DNAH8: variants seen among roughly 807,000 people sequenced by gnomAD.
The protein encoded by DNAH8 is dynein axonemal heavy chain 8.
Under a neutral mutation model 562.1 loss-of-function variants are expected in DNAH8, and 382 were observed. The observed-to-expected ratio is 0.68, with a 90% CI of 0.63 to 0.74. DNAH8 has a LOEUF of 0.74. DNAH8 is among the 30% of genes least tolerant of loss of function. The probability of loss-of-function intolerance (pLI) is 0.00; values close to 1 mark genes in which losing one functional copy is unlikely to be tolerated. For synonymous variants in DNAH8, 1,881 were observed against 1,919.4 expected, an observed-to-expected ratio of 0.98 and a Z score of 0.52; for missense variants, 5,203 against 5,620.4, an observed-to-expected ratio of 0.93 and a Z score of 2.37.
At chr6:38,862,094 T>A (rs970054716) in intron 43 of DNAH8, among the ~76,000 whole-genome samples, 186 bp from the exon 44 acceptor site, 1 of 152,128 alleles carries the variant, frequency 6.6e-6, no homozygotes, top group Non-Finnish European at 1.5e-5. Context: ...TCAAGAAATC[T>A]TTGGGCTCAC....
In DNAH8 at chr6:38,837,605, A is replaced by G. The variant is rs1355587989; in HGVS notation, c.4366-337A>G. ...CCTGTAGGATAGAGATGGCCAGTCT[A>G]AATTACTGAAAAATCCTGAATTGTA... On this transcript the variant is annotated intron_variant, in intron 32 of 92. Transcript: ENST00000327475. Among the ~76,000 whole-genome samples the G allele has an allele frequency of 3.3e-5, 5 of 152,360 alleles. No individual in the cohort carries two copies. The East Asian group carries it at 9.6e-4, about 29-fold the overall frequency.
intron 38 of DNAH8, 79 bp downstream of exon 38, chr6:38,850,493 T>C (rs1583179674): frequency 7.4e-7 from 1 of 1,351,000 alleles, no homozygotes; most frequent in East Asian, 2.4e-5. Context: ...ATTGACTACA[T>C]TTCTGGTTTG....
At chr6:38,795,991 A>G (rs1770219097) in intron 21 of DNAH8, among the ~76,000 whole-genome samples, 1 of 152,098 alleles carries the variant, frequency 6.6e-6, no homozygotes. Context: ...GTTAGTTTCC[A>G]GTTGTTCTTT....
rs1001241582 is a variant in DNAH8 at position 38,853,361 on chromosome 6, A to G, written c.5733+14A>G. On this transcript the variant is annotated intron_variant, in intron 41 of 92. Transcript: ENST00000327475. ...TTTCCAGCACAGGTGAGAATACACAATGCTTAAGTAATGGTGAAAAGAAAT... is the reference window on the plus strand; with the variant it reads ...TTTCCAGCACAGGTGAGAATACACAGTGCTTAAGTAATGGTGAAAAGAAAT... 6.2e-7 allele frequency: 1 copy of G among 1,605,450 alleles called. No homozygotes were observed. Among genetic ancestry groups the G allele is most frequent in the African/African-American group, 1.3e-5 (1 of 74,282 alleles).
intron 21 of DNAH8, among the ~76,000 whole-genome samples, chr6:38,802,440 G>T (rs144264477): frequency 6.6e-6 from 1 of 152,296 alleles, no homozygotes; most frequent in African/African-American, 2.4e-5. Context: ...AGTGTATTTT[G>T]TGGGCATGTC....
chr6:38,896,073 C>G lies in DNAH8; in HGVS notation c.8788C>G (p.Leu2930Val). The change falls in exon 60 of 93, where the codon CTT becomes GTT. Residue 2930 changes from leucine to valine, a missense_variant. Leu to Val is a conservative substitution (Grantham distance 32). Transcript: ENST00000327475. Reference sequence around the variant, plus strand: ...AGATGAGCAGTGGTTTAATGCACATCTTACTCGTGCAGTTGAAGAAAATAT... The same window carrying G: ...AGATGAGCAGTGGTTTAATGCACATGTTACTCGTGCAGTTGAAGAAAATAT... ...PEDEQWFNAH[L>V]TRAVEENIGS... 6.2e-7 allele frequency: 1 copy of G among 1,613,964 alleles called. No homozygotes were observed. Among genetic ancestry groups the G allele is most frequent in the South Asian group, 1.1e-5 (1 of 91,046 alleles).
intron 88 of DNAH8, among the ~76,000 whole-genome samples, chr6:39,002,756 C>T (rs17337187): frequency 0.019 from 2,856 of 152,212 alleles, 44 homozygotes; most frequent in Middle Eastern, 0.031. Context: ...CTTCATTGAT[C>T]CTTACTGGGA....
chr6:38,883,476 G>T lies in DNAH8; in HGVS notation c.8136+20G>T, dbSNP rs148646315. 6.2e-7 allele frequency: 1 copy of T among 1,600,710 alleles called. No homozygotes were observed. Among genetic ancestry groups the T allele is most frequent in the African/African-American group, 1.3e-5 (1 of 74,406 alleles). ...TTTCAGGTGAAATCCATCATTTGCT[G>T]TAATATTATAAACATAATACATTTT... On this transcript the variant is annotated intron_variant, in intron 55 of 92. Coordinates refer to ENST00000327475, the MANE Select transcript of DNAH8 (RefSeq NM_001206927.2).
intron 1 of DNAH8, among the ~76,000 whole-genome samples, chr6:38,716,035 T>A (rs947557641): frequency 2.1e-5 from 3 of 142,752 alleles, no homozygotes; most frequent in African/African-American, 8.1e-5. Flanking sequence ...CTCGGCTCAC[T>A]GCAATTTCTG....
rs767800821 is a variant in DNAH8, at chr6:38,906,349, G to A, written c.9290G>A (p.Ser3097Asn). 3.1e-6 allele frequency: 5 copies of A among 1,610,504 alleles called. No individual in the cohort carries two copies. The Admixed American group carries it at 8.3e-5, about 27-fold the overall frequency. ...GGCATCACTTTCATCTTTACTGACA[G>A]TGAAATAAAAGATGAGGCATTTCTA... is the stretch of plus-strand genomic sequence containing the variant. ...GKGITFIFTD[S>N]EIKDEAFLEY... Residue 3097 changes from serine to asparagine, a missense_variant, in exon 63 of 93, where the codon AGT becomes AAT. This residue lies in a region of DNAH8 where 977 missense variants were observed against 1,061.8 expected (regional missense o/e 0.92). Coordinates refer to ENST00000327475, the MANE Select transcript of DNAH8 (RefSeq NM_001206927.2).
chr6:38,864,478 G>A (rs1020632346), intron 45 of DNAH8, among the ~76,000 whole-genome samples: 12 of 152,184 alleles, frequency 7.9e-5, no homozygotes, highest in Non-Finnish European at 1.6e-4. Context: ...GGGTTGACTA[G>A]GGTAGAAGTA....
chr6:38,915,141 A>T, intron 67 of DNAH8, 60 bp from the exon 68 acceptor site: 1 of 1,403,874 alleles, frequency 7.1e-7, no homozygotes, highest in Admixed American at 2.3e-5. Flanking sequence ...CACTATTCAG[A>T]TCTATAAATT....
chr6:39,008,471 A>G (rs1765946455), intron 88 of DNAH8, among the ~76,000 whole-genome samples: 1 of 152,094 alleles, frequency 6.6e-6, no homozygotes, highest in Non-Finnish European at 1.5e-5. Context: ...AGCAGGGGAG[A>G]GTGAAAGGAG....
Position 38,777,104 on chromosome 6 carries a change from T to C in DNAH8, c.1962+1153T>C, listed in dbSNP as rs185816416. On this transcript the variant is annotated intron_variant, in intron 13 of 92. Transcript: ENST00000327475. The stretch of plus-strand genomic sequence containing the variant: ...CTACCATTCTAACGATAACACTTTT[T>C]GTGTTTTGGCATAGATTTCCTTTCA... 1.1e-4 allele frequency among the ~76,000 whole-genome samples: 16 copies of C among 152,320 alleles called. No individual in the cohort carries two copies. In the East Asian group the frequency reaches 2.7e-3, roughly 26 times the overall value.
intron 18 of DNAH8, among the ~76,000 whole-genome samples, chr6:38,788,503 C>G (rs1000819877): frequency 7.2e-5 from 11 of 152,076 alleles, no homozygotes; most frequent in African/African-American, 2.7e-4. Flanking sequence ...GTGGTATCTC[C>G]TTTTGATTTT....
intron 76 of DNAH8, among the ~76,000 whole-genome samples, chr6:38,933,583 C>T (rs114538793): frequency 0.016 from 2,398 of 152,250 alleles, 51 homozygotes; most frequent in African/African-American, 0.038. Context: ...GAAAAGGAAG[C>T]TAATATGATT....
At chr6:38,926,306 T>C (rs1583373826) in intron 74 of DNAH8, 96 bp downstream of exon 74, 1 of 1,353,904 alleles carries the variant, frequency 7.4e-7, no homozygotes, top group Non-Finnish European at 1.0e-6. Context: ...GTCATCTCCA[T>C]GACAAATGTT....
chr6:38,783,172 A>G, intron 17 of DNAH8, 33 bp downstream of exon 17: 1 of 1,606,444 alleles, frequency 6.2e-7, no homozygotes, highest in Non-Finnish European at 8.5e-7. Context: ...CCTACAAAGT[A>G]GGGATTAGGT....
At chr6:38,749,146 G>A (rs552811816) in intron 8 of DNAH8, among the ~76,000 whole-genome samples, 1 of 152,186 alleles carries the variant, frequency 6.6e-6, no homozygotes, top group Non-Finnish European at 1.5e-5. Flanking sequence ...TGATAGACTG[G>A]ATAAAGAAAA....
Sources: gnomAD v4.1 joint callset for allele counts (sites outside exome capture counted in the v4.1 genomes callset) on GRCh38, gnomAD v4.1.1 for gene constraint, gnomAD v4.1.1 regional missense constraint, MANE v1.5 for transcripts, NCBI Gene and HGNC (gene_info 2026-07-23, HGNC 2026-07-21) for gene names.